TAS1R1: variants seen among roughly 807,000 people sequenced by gnomAD.
TAS1R1 encodes taste receptor type 1 member 1.
In TAS1R1, 31 loss-of-function variants were observed where a neutral mutation model predicts 45.8. That is an observed-to-expected ratio of 0.68 (90% CI 0.51 to 0.91). TAS1R1 has a LOEUF of 0.91. Among genes scored for constraint, TAS1R1 ranks in the 40% least tolerant of loss-of-function variants. The pLI, the probability that TAS1R1 is intolerant of heterozygous loss-of-function variation, is 0.00. For synonymous variants in TAS1R1, 437 were observed against 448.4 expected (o/e 0.97, Z 0.32); for missense variants, 1,051 against 1,063.9 (o/e 0.99, Z 0.17).
chr1:6,562,137 G>A (rs928806094), intron 1 of TAS1R1, among the ~76,000 whole-genome samples: 6 of 152,168 alleles, frequency 3.9e-5, no homozygotes, highest in African/African-American at 1.4e-4. Context: ...CAAGGAGCCA[G>A]CAAGTCTAGA....
chr1:6,557,487 G>A (rs1406155066), intron 1 of TAS1R1, among the ~76,000 whole-genome samples: 1 of 152,178 alleles, frequency 6.6e-6, no homozygotes, highest in African/African-American at 2.4e-5. Flanking sequence ...GGAGTGTAGT[G>A]GTGCAATCAT....
At chr1:6,571,444 C>T (rs1291768882) in intron 2 of TAS1R1, among the ~76,000 whole-genome samples, 2 of 152,190 alleles carry the variant, frequency 1.3e-5, no homozygotes, top group Non-Finnish European at 2.9e-5. Context: ...CATGGGAAAA[C>T]CCATTCTCCT....
intron 1 of TAS1R1, among the ~76,000 whole-genome samples, chr1:6,556,238 C>T (rs1037016211): frequency 1.3e-5 from 2 of 152,154 alleles, no homozygotes; most frequent in Admixed American, 1.3e-4. Context: ...TCCCAGATGA[C>T]AAGTAGGATT....
Position 6,571,205 on chromosome 1 carries a change from T to G in TAS1R1, c.488T>G (p.Leu163Arg). 1 of 1,562,374 alleles carries G rather than the reference T, an allele frequency of 6.4e-7. No homozygotes were observed. Among genetic ancestry groups the G allele is most frequent in the Non-Finnish European group, 8.7e-7 (1 of 1,154,154 alleles). The part of the protein sequence containing the change: ...ATTAALLSPF[L>R]VPMISYAASS... Reference sequence around the variant, plus strand: ...ACAGCCGCCCTGCTGAGCCCTTTCCTGGTGCCCATGGTAAGCTGGAGCCTC... The same window carrying G: ...ACAGCCGCCCTGCTGAGCCCTTTCCGGGTGCCCATGGTAAGCTGGAGCCTC... Residue 163 changes from leucine to arginine, a missense_variant, in exon 2 of 6, where the codon CTG becomes CGG. Physicochemically the swap from Leu to Arg is moderately radical, Grantham distance 102. Coordinates refer to ENST00000333172, the MANE Select transcript of TAS1R1 (RefSeq NM_138697.4).
chr1:6,558,477 T>C (rs1200882286), intron 1 of TAS1R1, among the ~76,000 whole-genome samples: 5 of 152,124 alleles, frequency 3.3e-5, no homozygotes, highest in Non-Finnish European at 1.5e-5. Context: ...CCCAGCACTT[T>C]GGGAGGCCAA....
At position 6,561,701 on chromosome 1, in the gene TAS1R1, C is replaced by T. The variant is rs1487783771; in HGVS notation, c.191+6137C>T. 1.1e-4 allele frequency among the ~76,000 whole-genome samples: 15 copies of T among 137,772 alleles called. No individual in the cohort carries two copies. In the Admixed American group the frequency reaches 1.2e-3, roughly 11 times the overall value. The allele number at this position is 137,772 out of a possible 152,430, so 90.4% of individuals were successfully genotyped here. A position where few individuals can be genotyped will look rare whatever the true frequency, so the allele number is the denominator to read the frequency against. On this transcript the variant is annotated intron_variant, in intron 1 of 5. Coordinates refer to ENST00000333172, the MANE Select transcript of TAS1R1 (RefSeq NM_138697.4). ...CCGCACTCCAGCTTGGGCAACAGAACGAGTTTCCGTCTCAAAAAAAAAAAA... is the reference window on the plus strand; with the variant it reads ...CCGCACTCCAGCTTGGGCAACAGAATGAGTTTCCGTCTCAAAAAAAAAAAA...
At position 6,559,202 on chromosome 1, in the gene TAS1R1, G is replaced by T. The variant is rs80279453; in HGVS notation, c.191+3638G>T. ...GCCGCCACGCCCGGCCCCAATTTTTGTACTTTTAATAAAGACAGGGTTTCA... is the reference window on the plus strand; with the variant it reads ...GCCGCCACGCCCGGCCCCAATTTTTTTACTTTTAATAAAGACAGGGTTTCA... On this transcript the variant is annotated intron_variant, in intron 1 of 5. Coordinates refer to ENST00000333172, the MANE Select transcript of TAS1R1 (RefSeq NM_138697.4). 1.6e-3 allele frequency among the ~76,000 whole-genome samples: 237 copies of T among 151,120 alleles called. 2 individuals carry two copies. Among genetic ancestry groups the T allele is most frequent in the African/African-American group, 5.6e-3 (232 of 41,258 alleles).
intron 1 of TAS1R1, among the ~76,000 whole-genome samples, chr1:6,555,866 CTTTTTTT>C (rs770363613): frequency 4.5e-4 from 43 of 95,332 alleles, no homozygotes; most frequent in East Asian, 1.0e-3. Context: ...TTTCCCTCTT[CTTTTTTT>C]TTTTTTTTTT....
chr1:6,576,727 C>A, intron 4 of TAS1R1, 100 bp downstream of exon 4: 1 of 1,458,844 alleles, frequency 6.9e-7, no homozygotes, highest in African/African-American at 1.4e-5. Flanking sequence ...AGGGGGGCCC[C>A]AGGGGTCCAG....
intron 1 of TAS1R1, among the ~76,000 whole-genome samples, chr1:6,569,099 AG>A (rs1469470562): frequency 1.0e-5 from 1 of 96,884 alleles, no homozygotes; most frequent in Non-Finnish European, 2.0e-5. Flanking sequence ...AGTCAGAGGC[AG>A]GGTGGTTGGA....
Position 6,579,067 on chromosome 1 carries a change from A to G in TAS1R1, c.2009A>G (p.Tyr670Cys), listed in dbSNP as rs764282787. The part of the protein sequence containing the change: ...FKFSTKVPTF[Y>C]HAWVQNHGAG... ...TTTTCCACCAAGGTACCTACATTCT[A>G]CCACGCCTGGGTCCAAAACCACGGT... The change falls in exon 6 of 6, where the codon TAC becomes TGC. Residue 670 changes from tyrosine (Y) to cysteine (C), a missense_variant. By Grantham distance (194) the Tyr-to-Cys change is radical. Coordinates refer to ENST00000333172, the MANE Select transcript of TAS1R1 (RefSeq NM_138697.4). 7 of 1,612,956 alleles carry G rather than the reference A, an allele frequency of 4.3e-6. No homozygotes were observed. In the East Asian group the frequency reaches 1.1e-4, roughly 26 times the overall value.
chr1:6,566,112 C>T lies in TAS1R1; in HGVS notation c.192-4797C>T, dbSNP rs554918809. Among the ~76,000 whole-genome samples, 8 of 152,232 alleles carry T rather than the reference C, an allele frequency of 5.3e-5. No individual in the cohort carries two copies. In the South Asian group the frequency reaches 1.7e-3, roughly 32 times the overall value. Reference sequence around the variant, plus strand: ...AAGGACTACAGAGGAGGAGGTCATCCACATATTGAAGAAGACGGCTGGGGG... The same window carrying T: ...AAGGACTACAGAGGAGGAGGTCATCTACATATTGAAGAAGACGGCTGGGGG... On this transcript the variant is annotated intron_variant, in intron 1 of 5. Coordinates refer to ENST00000333172, the MANE Select transcript of TAS1R1 (RefSeq NM_138697.4).
chr1:6,565,956 G>A (rs145724653), intron 1 of TAS1R1, among the ~76,000 whole-genome samples: 123 of 152,252 alleles, frequency 8.1e-4, no homozygotes, highest in African/African-American at 2.4e-3. Flanking sequence ...CTTGGGCCCC[G>A]GGGGAGAGTT....
intron 1 of TAS1R1, among the ~76,000 whole-genome samples, chr1:6,558,001 A>G (rs1639714309): frequency 6.6e-6 from 1 of 151,724 alleles, no homozygotes; most frequent in African/African-American, 2.4e-5. Context: ...GGTGAGAAGC[A>G]CTAATTAAAC....
intron 3 of TAS1R1, 38 bp downstream of exon 3, chr1:6,575,430 A>G (rs747511795): frequency 3.2e-5 from 49 of 1,519,330 alleles, no homozygotes; most frequent in East Asian, 2.7e-4. Flanking sequence ...GTCAGGGAGA[A>G]CAGCCAATCC....
chr1:6,564,999 G>C (rs989444059), intron 1 of TAS1R1, among the ~76,000 whole-genome samples: 7 of 152,004 alleles, frequency 4.6e-5, no homozygotes, highest in African/African-American at 1.7e-4. Flanking sequence ...GTGAATAGGT[G>C]GGGGGAGGAG....
In TAS1R1 at chr1:6,564,126, C is replaced by T. The variant is rs146061783; in HGVS notation, c.192-6783C>T. Reference sequence around the variant, plus strand: ...GTGGGTCACTTGTAGGCAGACTAGTCGTAGGAGCCCTTTTTAATCTAGAAA... The same window carrying T: ...GTGGGTCACTTGTAGGCAGACTAGTTGTAGGAGCCCTTTTTAATCTAGAAA... On this transcript the variant is annotated intron_variant, in intron 1 of 5. Coordinates refer to ENST00000333172, the MANE Select transcript of TAS1R1 (RefSeq NM_138697.4). Among the ~76,000 whole-genome samples, 10 of 152,168 alleles carry T rather than the reference C, an allele frequency of 6.6e-5. No homozygotes were observed. The East Asian group carries it at 1.9e-3, about 29-fold the overall frequency.
At chr1:6,560,318 G>A (rs945419376) in intron 1 of TAS1R1, among the ~76,000 whole-genome samples, 1 of 152,312 alleles carries the variant, frequency 6.6e-6, no homozygotes, top group East Asian at 1.9e-4. Context: ...CCGAGAGAAA[G>A]AACAAGCAGA....
chr1:6,578,208 G>A (rs1465568182), intron 5 of TAS1R1, among the ~76,000 whole-genome samples: 1 of 152,180 alleles, frequency 6.6e-6, no homozygotes, highest in Non-Finnish European at 1.5e-5. Flanking sequence ...TCTCTGTAGG[G>A]ACAGGAATAC....
Sources: allele counts gnomAD v4.1 joint callset (sites outside exome capture counted in the v4.1 genomes callset), GRCh38; gene constraint gnomAD v4.1.1; transcripts MANE v1.5; gene names NCBI Gene and HGNC (gene_info 2026-07-23, HGNC 2026-07-21).